Variants in C1orf87 observed in about 807,000 individuals in gnomAD.
C1orf87 encodes the protein chromosome 1 open reading frame 87.
C1orf87 carries 58 observed loss-of-function variants against 60.5 expected under a neutral mutation model. The observed-to-expected ratio is 0.96, with a 90% CI of 0.78 to 1.19. The LOEUF (loss-of-function observed/expected upper bound fraction) is 1.19. Among genes scored for constraint, C1orf87 ranks in the 50% most tolerant of loss-of-function variants. The pLI is 0.00. For missense variants in C1orf87, 673 were observed against 638.6 expected (o/e 1.05, Z -0.58); for synonymous variants, 236 against 227.4 (o/e 1.04, Z -0.34).
intron 11 of C1orf87, among the ~76,000 whole-genome samples, chr1:59,993,756 C>CTTT (rs768907279): frequency 5.4e-5 from 7 of 129,212 alleles, no homozygotes; most frequent in Non-Finnish European, 9.9e-5. Flanking sequence ...AATAAGAATC[C>CTTT]TTTTTTTTTT....
intron 5 of C1orf87, 132 bp downstream of exon 5, chr1:60,039,785 A>C: frequency 2.0e-6 from 2 of 996,904 alleles, no homozygotes; most frequent in East Asian, 2.4e-5. Flanking sequence ...AATATAAATA[A>C]GCTTTTTATC....
chr1:59,999,016 T>G (rs1644982914), intron 10 of C1orf87, among the ~76,000 whole-genome samples: 1 of 152,158 alleles, frequency 6.6e-6, no homozygotes. Flanking sequence ...TGCCTCTAAC[T>G]TTTGTATACC....
At chr1:59,991,546 AT>A (rs1416245032) in intron 11 of C1orf87, among the ~76,000 whole-genome samples, 1 of 152,050 alleles carries the variant, frequency 6.6e-6, no homozygotes, top group Admixed American at 6.5e-5. Context: ...TTTTATTTCT[AT>A]TTTTTAAAAT....
At chr1:60,051,328 C>T (rs1158224338) in intron 3 of C1orf87, among the ~76,000 whole-genome samples, 1 of 152,184 alleles carries the variant, frequency 6.6e-6, no homozygotes, top group Non-Finnish European at 1.5e-5. Flanking sequence ...CTGCCCCATT[C>T]ATGTTGTGCT....
intron 2 of C1orf87, among the ~76,000 whole-genome samples, chr1:60,057,126 A>G (rs1172112342): frequency 6.6e-6 from 1 of 152,218 alleles, no homozygotes; most frequent in African/African-American, 2.4e-5. Flanking sequence ...GGTAAAGTAG[A>G]AGGGAAATCA....
chr1:59,992,694 T>C (rs1249040883), intron 11 of C1orf87, among the ~76,000 whole-genome samples: 1 of 152,154 alleles, frequency 6.6e-6, no homozygotes, highest in African/African-American at 2.4e-5. Flanking sequence ...ATACTTATCA[T>C]CTCAGTTTAA....
chr1:59,995,913 A>C (rs893535225), intron 11 of C1orf87, among the ~76,000 whole-genome samples: 4 of 152,146 alleles, frequency 2.6e-5, no homozygotes, highest in Non-Finnish European at 5.9e-5. Context: ...GTCTTACCTA[A>C]AGGTAAGCTC....
At chr1:60,070,411 C>T (rs547978813) in intron 2 of C1orf87, among the ~76,000 whole-genome samples, 389 of 152,178 alleles carry the variant, frequency 2.6e-3, no homozygotes, top group Non-Finnish European at 4.6e-3. Context: ...ATGGATTCAA[C>T]TTATTCAATC....
intron 8 of C1orf87, among the ~76,000 whole-genome samples, chr1:60,025,150 T>G: frequency 6.6e-6 from 1 of 152,200 alleles, no homozygotes; most frequent in East Asian, 1.9e-4. Flanking sequence ...CTGAGGACCC[T>G]CTTCCTGACT....
At chr1:60,037,917 T>C (rs1340316995) in intron 6 of C1orf87, 75 bp downstream of exon 6, 2 of 877,094 alleles carry the variant, frequency 2.3e-6, no homozygotes, top group African/African-American at 1.7e-5. Context: ...ACCCAGTTTA[T>C]GGTACTTTTT....
At chr1:60,023,830 C>T (rs908033309) in intron 8 of C1orf87, among the ~76,000 whole-genome samples, 8 of 152,130 alleles carry the variant, frequency 5.3e-5, no homozygotes, top group South Asian at 2.1e-4. Context: ...TTTTTAATGG[C>T]CTTCACAGTT....
In C1orf87 at chr1:60,040,065, T is replaced by G; in HGVS notation, c.599A>C (p.Lys200Thr). The change falls in exon 5 of 12, where the codon AAA becomes ACA. Residue 200 changes from lysine (K) to threonine (T), a missense_variant. By Grantham distance (78) the Lys-to-Thr change is moderately conservative. Coordinates refer to ENST00000371201, the MANE Select transcript of C1orf87 (RefSeq NM_152377.3). ...GATTGGGTCCAGGATCTTCAGCTCT[T>G]TCTGAAGCTTTTCTAATAAGTTGGA... is the stretch of plus-strand genomic sequence containing the variant. ...LSSNLLEKLQ[K>T]ELKILDPISS... 6.2e-7 allele frequency: 1 copy of G among 1,614,212 alleles called. No individual in the cohort carries two copies. Among genetic ancestry groups the G allele is most frequent in the South Asian group, 1.1e-5 (1 of 91,082 alleles).
intron 2 of C1orf87, among the ~76,000 whole-genome samples, chr1:60,061,969 T>C (rs184938554): frequency 6.6e-6 from 1 of 152,024 alleles, no homozygotes; most frequent in Admixed American, 6.5e-5. Flanking sequence ...GCAGTGCCTA[T>C]GTCTTATGAT....
At chr1:60,067,560 G>GTTTTTT in intron 2 of C1orf87, among the ~76,000 whole-genome samples, 1 of 58,956 alleles carries the variant, frequency 1.7e-5, no homozygotes, top group Non-Finnish European at 3.3e-5. Flanking sequence ...TTTTGATGGG[G>GTTTTTT]TTTTTTTTTT....
chr1:60,004,140 T>C (rs1645026605), intron 9 of C1orf87, among the ~76,000 whole-genome samples: 1 of 152,074 alleles, frequency 6.6e-6, no homozygotes, highest in African/African-American at 2.4e-5. Context: ...AAAGGGATTC[T>C]TGAAGCAGTA....
intron 7 of C1orf87, among the ~76,000 whole-genome samples, chr1:60,027,827 G>A (rs542671169): frequency 8.5e-5 from 13 of 152,256 alleles, no homozygotes; most frequent in Admixed American, 6.5e-4. Context: ...AATTATGGGG[G>A]AGAAAGAGCA....
chr1:60,055,213 C>T lies in C1orf87; in HGVS notation c.333G>A (p.Leu111=), dbSNP rs750671686. The change falls in exon 3 of 12, where the codon CTG becomes CTA. Residue 111 remains leucine (L), a synonymous_variant. Transcript: ENST00000371201. Reference sequence around the variant, plus strand: ...ATTTTTTGTCACTCACATTGCCATCCAGGAATCTGCTACTGTTTGCCCCTG... The same window carrying T: ...ATTTTTTGTCACTCACATTGCCATCTAGGAATCTGCTACTGTTTGCCCCTG... ...LLTGANSSRF[L]DGNIPSQANV... is the part of the protein sequence containing the mutation. 51 of 1,612,232 alleles carry T rather than the reference C, an allele frequency of 3.2e-5. No individual in the cohort carries two copies. The highest frequency in any genetic ancestry group is 4.2e-5 in the Non-Finnish European group (49 of 1,178,570).
At chr1:60,006,105 C>T (rs550270295) in intron 9 of C1orf87, among the ~76,000 whole-genome samples, 2 of 152,152 alleles carry the variant, frequency 1.3e-5, no homozygotes, top group Non-Finnish European at 2.9e-5. Context: ...AGGAGAACAC[C>T]TATCCAAAGA....
chr1:60,001,006 T>A (rs905398513), intron 10 of C1orf87, 71 bp downstream of exon 10: 4 of 1,252,476 alleles, frequency 3.2e-6, no homozygotes, highest in Non-Finnish European at 4.6e-6. Context: ...GAGAGCCCCA[T>A]CCAGCATCAG....
Sources: gnomAD v4.1 joint callset for allele counts (sites outside exome capture counted in the v4.1 genomes callset) on GRCh38, gnomAD v4.1.1 for gene constraint, MANE v1.5 for transcripts, NCBI Gene and HGNC (gene_info 2026-07-23, HGNC 2026-07-21) for gene names.